DCAF8L2: variants seen among roughly 807,000 people sequenced by gnomAD.
DCAF8L2 encodes the protein DDB1- and CUL4-associated factor 8-like protein 2.
For synonymous variants in DCAF8L2, 200 were observed against 190.9 expected, an observed-to-expected ratio of 1.05 and a Z score of -0.39; for missense variants, 430 against 490.7, an observed-to-expected ratio of 0.88 and a Z score of 1.17.
chrX:27,641,934 G>C (rs996227847), intron 2 of DCAF8L2, among the ~76,000 whole-genome samples: 3 of 109,040 alleles, frequency 2.8e-5, no homozygotes, highest in Admixed American at 2.0e-4. Flanking sequence ...TGTCGCCCGT[G>C]CTGGAGTGCA....
chrX:27,693,594 T>C (rs1280520618), intron 3 of DCAF8L2, among the ~76,000 whole-genome samples: 1 of 111,625 alleles, frequency 9.0e-6, no homozygotes, highest in Non-Finnish European at 1.9e-5. Flanking sequence ...GATGTGTTTA[T>C]GCCCTTTGCT....
chrX:27,708,995 C>T (rs769594404), intron 3 of DCAF8L2, among the ~76,000 whole-genome samples: 2 of 112,509 alleles, frequency 1.8e-5, no homozygotes, highest in South Asian at 3.7e-4. Flanking sequence ...TCTCGGCTCA[C>T]CACAACCTCG....
the DCAF8L2 span, among the ~76,000 whole-genome samples, chrX:27,551,852 T>C: frequency 1.8e-5 from 2 of 111,962 alleles, no homozygotes; most frequent in Admixed American, 1.9e-4. Context: ...ATATACCCAA[T>C]AGTTTAATTG....
intron 3 of DCAF8L2, among the ~76,000 whole-genome samples, chrX:27,707,702 T>G (rs986310762): frequency 5.4e-5 from 6 of 111,451 alleles, no homozygotes; most frequent in African/African-American, 2.0e-4. Context: ...TACTGTTGCT[T>G]GGAATCCGTG....
chrX:27,506,571 T>A, the DCAF8L2 span, among the ~76,000 whole-genome samples: 1 of 111,271 alleles, frequency 9.0e-6, no homozygotes, highest in Admixed American at 9.7e-5. Flanking sequence ...GCCCTAGGCC[T>A]TTCTTCACTG....
At chrX:27,623,593 A>G (rs942719216) in intron 1 of DCAF8L2, among the ~76,000 whole-genome samples, 5 of 111,313 alleles carry the variant, frequency 4.5e-5, no homozygotes, top group Non-Finnish European at 9.4e-5. Context: ...TTGTGTTACA[A>G]CTTTCTACTT....
At chrX:27,626,762 A>G (rs1164578837) in intron 1 of DCAF8L2, among the ~76,000 whole-genome samples, 1 of 112,141 alleles carries the variant, frequency 8.9e-6, no homozygotes, top group Non-Finnish European at 1.9e-5. Flanking sequence ...GCTGAAATAT[A>G]GGAGGCAAAG....
chrX:27,487,809 C>A, the DCAF8L2 span, among the ~76,000 whole-genome samples: 1 of 111,543 alleles, frequency 9.0e-6, no homozygotes, highest in Non-Finnish European at 1.9e-5. Flanking sequence ...CTTAGCCAAC[C>A]AGTAACCCAT....
chrX:27,730,831 G>T (rs1921151251), intron 4 of DCAF8L2, among the ~76,000 whole-genome samples: 1 of 111,006 alleles, frequency 9.0e-6, no homozygotes, highest in Admixed American at 9.6e-5. Context: ...TCACAATGCT[G>T]GCAAATATTT....
chrX:27,500,948 G>A, the DCAF8L2 span, among the ~76,000 whole-genome samples: 1 of 111,230 alleles, frequency 9.0e-6, no homozygotes, highest in Admixed American at 9.7e-5. Flanking sequence ...GAGGAACGAC[G>A]GCTTTCCACC....
intron 3 of DCAF8L2, among the ~76,000 whole-genome samples, chrX:27,690,613 G>GA (rs77177381): frequency 0.14 from 14,614 of 104,004 alleles, 1,115 homozygotes; most frequent in East Asian, 0.35. Flanking sequence ...ACTAAAAGGA[G>GA]AAAAAAAAAA....
chrX:27,704,183 C>CACACACATAT (rs1460716547), intron 3 of DCAF8L2, among the ~76,000 whole-genome samples: 1 of 74,575 alleles, frequency 1.3e-5, no homozygotes, highest in African/African-American at 9.7e-5. Flanking sequence ...TACATATACA[C>CACACACATAT]ACACACATAT....
chrX:27,741,777 C>T (rs1374618855), intron 4 of DCAF8L2, among the ~76,000 whole-genome samples: 4 of 111,262 alleles, frequency 3.6e-5, no homozygotes, highest in Non-Finnish European at 7.5e-5. Flanking sequence ...GAAGTTTACA[C>T]CATTACCAAA....
intron 3 of DCAF8L2, among the ~76,000 whole-genome samples, chrX:27,706,647 C>T (rs1040891709): frequency 9.0e-6 from 1 of 111,542 alleles, no homozygotes; most frequent in African/African-American, 3.3e-5. Flanking sequence ...TTGGCAAGGA[C>T]GTGGAGAAAT....
At chrX:27,559,968 TTA>T in the DCAF8L2 span, among the ~76,000 whole-genome samples, 1 of 24,754 alleles carries the variant, frequency 4.0e-5, no homozygotes, top group Non-Finnish European at 6.8e-5. Context: ...TCTTTCCACG[TTA>T]AAAAAAAAAA....
chrX:27,541,938 A>G, the DCAF8L2 span, among the ~76,000 whole-genome samples: 1 of 111,570 alleles, frequency 9.0e-6, no homozygotes, highest in South Asian at 3.8e-4. Context: ...AAATGAGAAC[A>G]TGTGGTATTT....
At chrX:27,686,045 C>G (rs1032275052) in intron 3 of DCAF8L2, among the ~76,000 whole-genome samples, 4 of 111,291 alleles carry the variant, frequency 3.6e-5, no homozygotes, top group Non-Finnish European at 5.7e-5. Flanking sequence ...ATAATCTCAC[C>G]TCAGTTAGAA....
the DCAF8L2 span, among the ~76,000 whole-genome samples, chrX:27,526,575 T>C: frequency 1.8e-5 from 2 of 112,834 alleles, no homozygotes; most frequent in Non-Finnish European, 3.7e-5. Flanking sequence ...CGAGGAGCTG[T>C]TTTCCTTTGG....
chrX:27,622,616 T>C (rs1365735598), intron 1 of DCAF8L2, among the ~76,000 whole-genome samples: 1 of 110,820 alleles, frequency 9.0e-6, no homozygotes, highest in African/African-American at 3.3e-5. Flanking sequence ...TATTTCCCAC[T>C]AACATAATGC....
Sources: allele counts gnomAD v4.1 joint callset (sites outside exome capture counted in the v4.1 genomes callset), GRCh38; gene constraint gnomAD v4.1.1; transcripts MANE v1.5; gene names NCBI Gene and HGNC (gene_info 2026-07-23, HGNC 2026-07-21).